The following COG6 variants were observed in gnomAD, a reference collection of about 807,000 sequenced individuals.
COG6 encodes the protein component of oligomeric golgi complex 6, also known as conserved oligomeric Golgi complex subunit 6.
In COG6, 74 loss-of-function variants were observed where a neutral mutation model predicts 88.8. The observed-to-expected ratio is 0.83, with a 90% CI of 0.69 to 1.01. The LOEUF is 1.01. COG6 is among the 50% of genes least tolerant of loss of function. The pLI is 0.00. For synonymous variants in COG6, 286 were observed against 278.7 expected (o/e 1.03, Z -0.26); for missense variants, 800 against 797.9 (o/e 1.00, Z -0.03).
At chr13:39,659,038 A>G (rs1484634390) in intron 1 of COG6, among the ~76,000 whole-genome samples, 1 of 88,412 alleles carries the variant, frequency 1.1e-5, no homozygotes, top group Non-Finnish European at 2.5e-5. Context: ...ACGTAAGTGC[A>G]TAAAGATTTT....
At chr13:39,684,281 A>C (rs1420133500) in intron 8 of COG6, among the ~76,000 whole-genome samples, 8 of 75,718 alleles carry the variant, frequency 1.1e-4, no homozygotes, top group South Asian at 4.2e-4. Context: ...GACGGAGTCT[A>C]GCTGTCGCCC....
At position 39,751,824 on chromosome 13, in the gene COG6, C is replaced by T; in HGVS notation, c.*731C>T. The T allele has an allele frequency of 1.6e-6, 2 of 1,287,152 alleles. No individual in the cohort carries two copies. Among genetic ancestry groups the T allele is most frequent in the Non-Finnish European group, 2.0e-6 (2 of 988,654 alleles). 79.7% of individuals were successfully genotyped at this position (1,287,152 alleles called of 1,614,324 possible). On this transcript the variant is annotated 3_prime_UTR_variant, in exon 19 of 19. Transcript: ENST00000455146. ...CTTCGATGGAACTCAAGGTGGAGCTCAGCCTTTCCAATGAGCTCTAAGCAT... is the reference window on the plus strand; with the variant it reads ...CTTCGATGGAACTCAAGGTGGAGCTTAGCCTTTCCAATGAGCTCTAAGCAT...
chr13:39,664,841 A>G (rs1041246539), intron 3 of COG6, among the ~76,000 whole-genome samples: 1 of 152,194 alleles, frequency 6.6e-6, no homozygotes, highest in Non-Finnish European at 1.5e-5. Context: ...ATCATGAACT[A>G]TTAAGTTCCT....
intron 18 of COG6, among the ~76,000 whole-genome samples, chr13:39,738,560 A>G (rs1879888287): frequency 6.6e-6 from 1 of 152,210 alleles, no homozygotes; most frequent in African/African-American, 2.4e-5. Flanking sequence ...CTAATAAGTA[A>G]CTGTACTAAA....
At chr13:39,783,993 C>CT (rs779772644) in intron 18 of COG6, among the ~76,000 whole-genome samples, 2 of 152,100 alleles carry the variant, frequency 1.3e-5, no homozygotes, top group Non-Finnish European at 2.9e-5. Flanking sequence ...AGCATGGATT[C>CT]TGGGGGGAGA....
At chr13:39,768,432 G>A (rs1315157507) in intron 18 of COG6, among the ~76,000 whole-genome samples, 1 of 152,194 alleles carries the variant, frequency 6.6e-6, no homozygotes, top group Non-Finnish European at 1.5e-5. Context: ...TGTGTGGGTG[G>A]CCTAGATCTT....
Position 39,685,019 on chromosome 13 carries a change from C to T in COG6, c.789-2484C>T, listed in dbSNP as rs922376367. ...TTATTTTAAAATGTAGTAATACATA[C>T]AATGCTGATTTTTCTTCCTTCTTTA... is the stretch of plus-strand genomic sequence containing the variant. On this transcript the variant is annotated intron_variant, in intron 8 of 18. Transcript: ENST00000455146. Among the ~76,000 whole-genome samples the T allele has an allele frequency of 2.0e-5, 3 of 152,062 alleles. No homozygotes were observed. In the East Asian group the frequency reaches 5.8e-4, roughly 29 times the overall value.
intron 4 of COG6, among the ~76,000 whole-genome samples, chr13:39,670,357 C>G (rs1312849282): frequency 6.6e-6 from 1 of 151,906 alleles, no homozygotes; most frequent in Non-Finnish European, 1.5e-5. Flanking sequence ...TCTCTGGACT[C>G]AGAAAAATAA....
chr13:39,744,833 G>A (rs541451276), intron 18 of COG6, among the ~76,000 whole-genome samples: 19 of 152,180 alleles, frequency 1.2e-4, no homozygotes, highest in South Asian at 2.1e-4. Flanking sequence ...GAGGCATCAC[G>A]CTACCTGACT....
intron 17 of COG6, among the ~76,000 whole-genome samples, chr13:39,726,061 A>G (rs2138089814): frequency 6.6e-6 from 1 of 152,152 alleles, no homozygotes; most frequent in South Asian, 2.1e-4. Context: ...GTGAATATGA[A>G]TATACGATGT....
chr13:39,754,856 G>T (rs138416460), downstream of COG6, among the ~76,000 whole-genome samples: 1 of 152,060 alleles, frequency 6.6e-6, no homozygotes. Flanking sequence ...ATGTTGGCAA[G>T]AAGAAAAAAT....
chr13:39,784,942 A>G (rs899545664), intron 18 of COG6, among the ~76,000 whole-genome samples: 10 of 152,148 alleles, frequency 6.6e-5, no homozygotes. Context: ...TAAATGAGCA[A>G]TGTATTAGGG....
intron 4 of COG6, among the ~76,000 whole-genome samples, chr13:39,670,269 C>A (rs1875544830): frequency 6.6e-6 from 1 of 151,960 alleles, no homozygotes; most frequent in South Asian, 2.1e-4. Context: ...CATGAACATA[C>A]CTTTGTATTT....
At chr13:39,744,159 CA>C (rs1258815584) in intron 18 of COG6, among the ~76,000 whole-genome samples, 1 of 152,098 alleles carries the variant, frequency 6.6e-6, no homozygotes, top group Non-Finnish European at 1.5e-5. Flanking sequence ...ACTGAACAGG[CA>C]AAAACTGGAA....
At position 39,682,188 on chromosome 13, in the gene COG6, A is replaced by T. The variant is rs560984465; in HGVS notation, c.712A>T (p.Thr238Ser). 1.9e-6 allele frequency: 3 copies of T among 1,610,648 alleles called. No homozygotes were observed. Among genetic ancestry groups the T allele is most frequent in the Middle Eastern group, 1.7e-4 (1 of 6,050 alleles). The change falls in exon 8 of 19, where the codon ACA becomes TCA. Residue 238 changes from threonine to serine, a missense_variant. Transcript: ENST00000455146. ...RWAQSECRTLTQESCDVSPVL... is the reference protein window; with the variant it reads ...RWAQSECRTLSQESCDVSPVL... The stretch of plus-strand genomic sequence containing the variant: ...TTTTTCAGGTGAATGCAGAACATTG[A>T]CACAAGAATCATGTGACGTATCTCC...
intron 13 of COG6, among the ~76,000 whole-genome samples, chr13:39,700,520 C>T (rs1413042212): frequency 6.6e-6 from 1 of 151,860 alleles, no homozygotes; most frequent in East Asian, 1.9e-4. Flanking sequence ...TTTCTGTTTG[C>T]ATCAACAGTT....
At position 39,719,766 on chromosome 13, in the gene COG6, T is replaced by C; in HGVS notation, c.1523T>C (p.Met508Thr). ...ATFMVNSLYM[M>T]KTTLALFEFT... Reference sequence around the variant, plus strand: ...TTCATGGTCAATTCACTATATATGATGAAGACAACATTAGCTCTATTTGAA... The same window carrying C: ...TTCATGGTCAATTCACTATATATGACGAAGACAACATTAGCTCTATTTGAA... Residue 508 changes from methionine (M) to threonine (T), a missense_variant, in exon 15 of 19, where the codon ATG (methionine) becomes ACG (threonine). Physicochemically the swap from Met to Thr is moderately conservative, Grantham distance 81. Transcript: ENST00000455146. 1 of 1,612,818 alleles carries C rather than the reference T, an allele frequency of 6.2e-7. No homozygotes were observed. Among genetic ancestry groups the C allele is most frequent in the South Asian group, 1.1e-5 (1 of 91,054 alleles).
At position 39,682,116 on chromosome 13, in the gene COG6, A is replaced by G. The variant is rs1488072972; in HGVS notation, c.695-55A>G. On this transcript the variant is annotated intron_variant, in intron 7 of 18. Coordinates refer to ENST00000455146, the MANE Select transcript of COG6 (RefSeq NM_020751.3). ...TTTAGACTCCTGGAATGCAACAGACATAATAAACATCTAAGCTGAATTTAA... is the reference window on the plus strand; with the variant it reads ...TTTAGACTCCTGGAATGCAACAGACGTAATAAACATCTAAGCTGAATTTAA... 4.8e-6 allele frequency: 6 copies of G among 1,260,780 alleles called. No homozygotes were observed. In the African/African-American group the frequency reaches 5.9e-5, roughly 12 times the overall value. 78.1% of individuals were successfully genotyped at this position (1,260,780 alleles called of 1,614,324 possible).
At chr13:39,732,521 G>A (rs1453985315) in intron 18 of COG6, among the ~76,000 whole-genome samples, 1 of 152,192 alleles carries the variant, frequency 6.6e-6, no homozygotes, top group African/African-American at 2.4e-5. Context: ...TTAAAAATAT[G>A]TTCAAGAATT....
Sources: allele counts gnomAD v4.1 joint callset (sites outside exome capture counted in the v4.1 genomes callset), GRCh38; gene constraint gnomAD v4.1.1; transcripts MANE v1.5; gene names NCBI Gene and HGNC (gene_info 2026-07-23, HGNC 2026-07-21).